Variants in ZBTB44 observed in about 807,000 individuals in gnomAD.
The protein encoded by ZBTB44 is zinc finger and BTB domain containing 44.
Under a neutral mutation model 54.0 loss-of-function variants are expected in ZBTB44, and 15 were observed. The observed-to-expected ratio is 0.28, with a 90% CI of 0.19 to 0.43. ZBTB44 has a LOEUF of 0.43. ZBTB44 is among the 20% of genes least tolerant of loss of function. The pLI, the probability that ZBTB44 is intolerant of heterozygous loss-of-function variation, is 1.00. For synonymous variants in ZBTB44, 230 were observed against 250.1 expected (o/e 0.92, Z 0.76); for missense variants, 487 against 707.1 (o/e 0.69, Z 3.53).
At position 130,303,839 on chromosome 11, in the gene ZBTB44, G is replaced by C. The variant is rs1942120375; in HGVS notation, c.-57+10536C>G. Among the ~76,000 whole-genome samples the C allele has an allele frequency of 3.3e-5, 5 of 151,778 alleles. No homozygotes were observed. In the South Asian group the frequency reaches 8.3e-4, roughly 25 times the overall value. The stretch of plus-strand genomic sequence containing the variant: ...AAAAGGGAAGAATATTCAATGTGGA[G>C]ACAAAGAAGGATGTTATTCTCTAAT... On this transcript the variant is annotated intron_variant, in intron 1 of 7. Coordinates refer to ENST00000357899, the MANE Select transcript of ZBTB44 (RefSeq NM_001301098.2).
At chr11:130,247,757 C>CGTATTTCA (rs1937646078) in intron 2 of ZBTB44, among the ~76,000 whole-genome samples, 1 of 152,076 alleles carries the variant, frequency 6.6e-6, no homozygotes, top group Non-Finnish European at 1.5e-5. Flanking sequence ...AAAAAACCCA[C>CGTATTTCA]GTATTTCATG....
At chr11:130,313,966 A>T (rs1671080) in intron 1 of ZBTB44, among the ~76,000 whole-genome samples, 8,605 of 116,094 alleles carry the variant, frequency 0.074, 497 homozygotes, top group African/African-American at 0.18. Flanking sequence ...ATATATATAT[A>T]TTTTTTTAAA....
At chr11:130,235,776 CG>C (rs1268636736) in intron 5 of ZBTB44, among the ~76,000 whole-genome samples, 1 of 151,936 alleles carries the variant, frequency 6.6e-6, no homozygotes, top group Admixed American at 6.6e-5. Context: ...CTGAAGCAGG[CG>C]GATCACTTGA....
chr11:130,261,878 T>A lies in ZBTB44; in HGVS notation c.-5A>T. On this transcript the variant is annotated 5_prime_UTR_variant, in exon 2 of 8. Coordinates refer to ENST00000357899, the MANE Select transcript of ZBTB44 (RefSeq NM_001301098.2). This position sits in a 1 kb window ranked among gnomAD's most constrained non-coding sequence, Gnocchi z 4.8. The stretch of plus-strand genomic sequence containing the variant: ...AGTAAATGTTTTCACACCCATCTTT[T>A]ACTTCCTCTTCTACAGATGCTCTTC... The A allele has an allele frequency of 6.3e-7, 1 of 1,596,328 alleles. No individual in the cohort carries two copies. Among genetic ancestry groups the A allele is most frequent in the Non-Finnish European group, 8.6e-7 (1 of 1,169,362 alleles).
intron 2 of ZBTB44, among the ~76,000 whole-genome samples, chr11:130,259,624 T>C (rs924894877): frequency 2.0e-5 from 3 of 152,004 alleles, no homozygotes; most frequent in African/African-American, 7.3e-5. Context: ...TATGCAGCCA[T>C]AAAAAAGAAT....
intron 1 of ZBTB44, among the ~76,000 whole-genome samples, chr11:130,298,444 C>G (rs1325579462): frequency 1.4e-5 from 2 of 145,184 alleles, no homozygotes; most frequent in African/African-American, 5.1e-5. Context: ...CATGCCCGGC[C>G]AAAAGTTGAA....
At chr11:130,280,674 C>T (rs1462102537) in intron 1 of ZBTB44, among the ~76,000 whole-genome samples, 1 of 152,196 alleles carries the variant, frequency 6.6e-6, no homozygotes, top group Non-Finnish European at 1.5e-5. Context: ...GGAATTACAA[C>T]ACAAAAATTG....
chr11:130,300,611 T>C (rs375572626), intron 1 of ZBTB44, among the ~76,000 whole-genome samples: 1 of 152,176 alleles, frequency 6.6e-6, no homozygotes, highest in Non-Finnish European at 1.5e-5. Context: ...ATAACCAGCA[T>C]AGTAGGAGTT....
chr11:130,246,844 A>G (rs1954667820), intron 2 of ZBTB44, among the ~76,000 whole-genome samples: 1 of 152,186 alleles, frequency 6.6e-6, no homozygotes, highest in Non-Finnish European at 1.5e-5. Flanking sequence ...ACAAAACAAC[A>G]TAAAATCAAG....
intron 2 of ZBTB44, among the ~76,000 whole-genome samples, chr11:130,257,398 GGAGA>G (rs1472928358): frequency 6.6e-6 from 1 of 152,090 alleles, no homozygotes. Context: ...GTCCTTTTAG[GGAGA>G]GAGAGATTTG....
intron 2 of ZBTB44, among the ~76,000 whole-genome samples, chr11:130,240,203 G>A (rs932155697): frequency 2.6e-5 from 4 of 152,002 alleles, no homozygotes; most frequent in South Asian, 4.2e-4. Context: ...CACCACGCCC[G>A]GCTCATTTTT....
intron 1 of ZBTB44, among the ~76,000 whole-genome samples, chr11:130,286,240 T>C (rs1296757336): frequency 6.6e-6 from 1 of 152,230 alleles, no homozygotes; most frequent in Non-Finnish European, 1.5e-5. Flanking sequence ...CTGTAGTTAT[T>C]TGCTGCCTAA....
At chr11:130,247,885 A>G (rs992482970) in intron 2 of ZBTB44, among the ~76,000 whole-genome samples, 10 of 152,196 alleles carry the variant, frequency 6.6e-5, no homozygotes, top group Non-Finnish European at 1.3e-4. Flanking sequence ...ACAAGGCCCA[A>G]CCTAAAACCA....
At chr11:130,244,667 G>GGGAAAAAAAA (rs1257316227) in intron 2 of ZBTB44, among the ~76,000 whole-genome samples, 1 of 104,794 alleles carries the variant, frequency 9.5e-6, no homozygotes, top group African/African-American at 3.3e-5. Flanking sequence ...ACTCTGTCTG[G>GGGAAAAAAAA]AAAAAAAAAA....
Position 130,231,381 on chromosome 11 carries a change from G to A in ZBTB44, c.*383C>T, listed in dbSNP as rs956226473. ...AGTTACTGGTATTGATAAGATCTGG[G>A]CAGCAGACAACTAACCAGATATGCA... On this transcript the variant is annotated 3_prime_UTR_variant, in exon 8 of 8. Coordinates refer to ENST00000357899, the MANE Select transcript of ZBTB44 (RefSeq NM_001301098.2). The A allele has an allele frequency of 2.0e-5, 3 of 152,052 alleles. No individual in the cohort carries two copies. Among genetic ancestry groups the A allele is most frequent in the African/African-American group, 7.2e-5 (3 of 41,410 alleles). 9.4% of individuals were successfully genotyped at this position (152,052 alleles called of 1,614,324 possible). A position where few individuals can be genotyped will look rare whatever the true frequency, so the allele number is the denominator to read the frequency against.
At chr11:130,235,378 T>C (rs1238486014) in intron 5 of ZBTB44, among the ~76,000 whole-genome samples, 1 of 152,184 alleles carries the variant, frequency 6.6e-6, no homozygotes, top group Non-Finnish European at 1.5e-5. Flanking sequence ...TAATATGATA[T>C]GTATAACCTA....
intron 2 of ZBTB44, among the ~76,000 whole-genome samples, chr11:130,242,389 T>A (rs1279601599): frequency 1.3e-5 from 2 of 152,350 alleles, no homozygotes; most frequent in East Asian, 3.9e-4. Context: ...TTATCATATA[T>A]ACATGTTCTC....
intron 1 of ZBTB44, among the ~76,000 whole-genome samples, chr11:130,298,610 G>A (rs970858513): frequency 2.0e-5 from 3 of 151,602 alleles, no homozygotes; most frequent in East Asian, 1.9e-4. Flanking sequence ...CTACAGGTAC[G>A]TGCCACCACG....
intron 1 of ZBTB44, among the ~76,000 whole-genome samples, chr11:130,263,422 A>G (rs1451430010): frequency 6.6e-6 from 1 of 152,214 alleles, no homozygotes; most frequent in Non-Finnish European, 1.5e-5. Flanking sequence ...ATCCCAGGAG[A>G]CTAGCTTCTG....
Sources: gnomAD v4.1 joint callset for allele counts (sites outside exome capture counted in the v4.1 genomes callset) on GRCh38, gnomAD v4.1.1 for gene constraint, Gnocchi (gnomAD v3.1) non-coding constraint, MANE v1.5 for transcripts, NCBI Gene and HGNC (gene_info 2026-07-23, HGNC 2026-07-21) for gene names.